Variants in SAMD3 observed in about 807,000 individuals in gnomAD.
The protein encoded by SAMD3 is sterile alpha motif domain containing 3.
In SAMD3, 63 loss-of-function variants were observed where a neutral mutation model predicts 58.5. That is an observed-to-expected ratio of 1.08 (90% CI 0.88 to 1.33). The LOEUF is 1.33. Among genes scored for constraint, SAMD3 ranks in the 40% most tolerant of loss-of-function variants. The pLI is 0.00. For synonymous variants in SAMD3, 220 were observed against 210.3 expected (o/e 1.05, Z -0.40); for missense variants, 604 against 608.4 (o/e 0.99, Z 0.08).
At chr6:130,162,064 T>TAAA in intron 8 of SAMD3, 1 of 513,024 alleles carries the variant, frequency 1.9e-6, no homozygotes, top group Non-Finnish European at 3.4e-6. Context: ...TGTGTGACTT[T>TAAA]AGAGGAATCA....
chr6:130,166,067 T>C (rs1475970236), intron 8 of SAMD3, among the ~76,000 whole-genome samples: 1 of 152,180 alleles, frequency 6.6e-6, no homozygotes, highest in African/African-American at 2.4e-5. Context: ...CCAGAGCTTG[T>C]CCTGGTGCTC....
At chr6:130,172,003 C>G (rs927834246) in intron 8 of SAMD3, among the ~76,000 whole-genome samples, 2 of 152,132 alleles carry the variant, frequency 1.3e-5, no homozygotes, top group Non-Finnish European at 2.9e-5. Context: ...GGTATAAAGT[C>G]TGTTTTATCA....
chr6:130,213,276 G>T (rs566678244), intron 4 of SAMD3, among the ~76,000 whole-genome samples: 1 of 151,602 alleles, frequency 6.6e-6, no homozygotes, highest in East Asian at 1.9e-4. Context: ...CCAGCCTGGG[G>T]GTCAGACTGA....
At chr6:130,180,186 T>C (rs112119327) in intron 7 of SAMD3, among the ~76,000 whole-genome samples, 1 of 151,548 alleles carries the variant, frequency 6.6e-6, no homozygotes, top group Non-Finnish European at 1.5e-5. Context: ...AGTAGTGCAA[T>C]CATAGCTCAC....
In SAMD3 at chr6:130,184,258, A is replaced by G. The variant is rs75482774; in HGVS notation, c.570-71T>C. 1.7e-3 allele frequency: 2,262 copies of G among 1,308,086 alleles called. 30 individuals carry two copies. The African/African-American group carries it at 0.03, about 17-fold the overall frequency. The allele number at this position is 1,308,086 out of a possible 1,614,324, so 81.0% of individuals were successfully genotyped here. On this transcript the variant is annotated intron_variant, in intron 6 of 11. Coordinates refer to ENST00000439090, the MANE Select transcript of SAMD3 (RefSeq NM_001017373.4). ...CATTCCTTCCTTTAAGATGAGTCTA[A>G]TTACACTCATTTTTCTTCACATTTT...
At chr6:130,200,082 C>T (rs540129539) in intron 5 of SAMD3, among the ~76,000 whole-genome samples, 62 of 151,962 alleles carry the variant, frequency 4.1e-4, no homozygotes, top group African/African-American at 1.5e-3. Context: ...CTTTGGGGCC[C>T]TAATTCATCA....
intron 2 of SAMD3, among the ~76,000 whole-genome samples, chr6:130,277,698 G>A (rs983158296): frequency 6.6e-6 from 1 of 152,090 alleles, no homozygotes; most frequent in African/African-American, 2.4e-5. Flanking sequence ...TGAGGCACAG[G>A]CTTGGTTTAT....
intron 1 of SAMD3, among the ~76,000 whole-genome samples, chr6:130,314,687 G>A (rs1029413040): frequency 2.6e-5 from 4 of 152,158 alleles, no homozygotes; most frequent in Non-Finnish European, 5.9e-5. Flanking sequence ...ATGATAGGTG[G>A]AAATTCTTCA....
intron 1 of SAMD3, among the ~76,000 whole-genome samples, chr6:130,350,501 A>T (rs1416652568): frequency 6.6e-6 from 1 of 152,164 alleles, no homozygotes; most frequent in African/African-American, 2.4e-5. Flanking sequence ...AATACCTAGG[A>T]ATCCAACTTA....
At chr6:130,170,653 G>A (rs563125481) in intron 8 of SAMD3, among the ~76,000 whole-genome samples, 76 of 152,248 alleles carry the variant, frequency 5.0e-4, no homozygotes, top group South Asian at 2.1e-3. Flanking sequence ...CCTTGAAGAG[G>A]TCCTTCATGT....
chr6:130,219,953 A>C (rs1373100373), intron 1 of SAMD3, among the ~76,000 whole-genome samples: 4 of 152,212 alleles, frequency 2.6e-5, no homozygotes, highest in African/African-American at 9.6e-5. Flanking sequence ...TGAAGGAAAA[A>C]GTGGTGAGCA....
Position 130,184,583 on chromosome 6 carries a change from G to T in SAMD3, c.424C>A (p.Gln142Lys). Residue 142 changes from glutamine to lysine, a missense_variant, in exon 6 of 12, where the codon CAG becomes AAG. By Grantham distance (53) the Gln-to-Lys change is moderately conservative (BLOSUM62 1). Transcript: ENST00000439090. ...KQILARSKAL[Q>K]WTKSYVLPEF... ...GGTAAAACATAGGACTTCGTCCACT[G>T]TAATGCTTTGCTTCTTGCTAGAATT... The T allele has an allele frequency of 1.2e-6, 2 of 1,612,308 alleles. No individual in the cohort carries two copies. The highest frequency in any genetic ancestry group is 2.2e-5 in the South Asian group (2 of 90,424).
rs1554276944 is a variant in SAMD3, at chr6:130,343,974, C to CAGACA, written c.-304+21145_-304+21146insTGTCT. Among the ~76,000 whole-genome samples, 6 of 146,800 alleles carry CAGACA rather than the reference C, an allele frequency of 4.1e-5. No individual in the cohort carries two copies. The East Asian group carries it at 8.0e-4, about 20-fold the overall frequency. ...AGTGAGACTCTGTCTTAAAAACAAA[C>CAGACA]AAAAAAAAAAGGGTCAAGGACACCC... is the stretch of plus-strand genomic sequence containing the variant. On this transcript the variant is annotated intron_variant, in intron 1 of 13. Transcript: ENST00000368134.
chr6:130,209,244 T>C (rs1202847687), intron 5 of SAMD3, among the ~76,000 whole-genome samples: 1 of 152,222 alleles, frequency 6.6e-6, no homozygotes, highest in Admixed American at 6.5e-5. Context: ...AGAAATCCTC[T>C]TTTTTCTTAA....
rs1796273567 is a variant in SAMD3 at position 130,222,768 on chromosome 6, C to A, written c.-142G>T. The A allele has an allele frequency of 6.6e-6, 1 of 152,206 alleles. No homozygotes were observed. The highest frequency in any genetic ancestry group is 2.4e-5 in the African/African-American group (1 of 41,444). The allele number at this position is 152,206 out of a possible 1,614,324, so 9.4% of individuals were successfully genotyped here. ...CAAAGGAGAGAGCACCCCTCCTCCC[C>A]AGGCAAATCCGATCAGTGGATGTGG... On this transcript the variant is annotated 5_prime_UTR_variant, in exon 1 of 12. Coordinates refer to ENST00000439090, the MANE Select transcript of SAMD3 (RefSeq NM_001017373.4).
At chr6:130,159,109 C>T (rs1582748025) in intron 8 of SAMD3, among the ~76,000 whole-genome samples, 1 of 152,146 alleles carries the variant, frequency 6.6e-6, no homozygotes, top group African/African-American at 2.4e-5. Flanking sequence ...CTTGTAGCTC[C>T]CATAATTCCC....
chr6:130,173,206 T>G (rs558301475), intron 8 of SAMD3, among the ~76,000 whole-genome samples: 1 of 152,342 alleles, frequency 6.6e-6, no homozygotes, highest in East Asian at 1.9e-4. Flanking sequence ...AATCTCATTT[T>G]CTGTTCAGTT....
chr6:130,355,972 C>T (rs1206961891), intron 1 of SAMD3, among the ~76,000 whole-genome samples: 2 of 152,182 alleles, frequency 1.3e-5, no homozygotes, highest in Admixed American at 6.5e-5. Context: ...GCCATTTTTC[C>T]TTGCTACAGC....
At chr6:130,324,229 AT>A (rs2115004576) in intron 1 of SAMD3, among the ~76,000 whole-genome samples, 2 of 152,342 alleles carry the variant, frequency 1.3e-5, no homozygotes, top group Admixed American at 1.3e-4. Flanking sequence ...GGCTTTTTAA[AT>A]TAGCAGTTAC....
Sources: allele counts gnomAD v4.1 joint callset (sites outside exome capture counted in the v4.1 genomes callset), GRCh38; gene constraint gnomAD v4.1.1; transcripts MANE v1.5; gene names NCBI Gene and HGNC (gene_info 2026-07-23, HGNC 2026-07-21).